CCDC34: variants seen among roughly 807,000 people sequenced by gnomAD.
CCDC34 encodes the protein coiled-coil domain-containing protein 34.
Under a neutral mutation model 44.1 loss-of-function variants are expected in CCDC34, and 40 were observed. That is an observed-to-expected ratio of 0.91 (90% CI 0.70 to 1.18). CCDC34 has a LOEUF of 1.18. CCDC34 is among the 50% of genes most tolerant of loss of function. CCDC34 has a pLI of 0.00. For synonymous variants in CCDC34, 159 were observed against 158.2 expected, an observed-to-expected ratio of 1.01 and a Z score of -0.04; for missense variants, 466 against 452.3, an observed-to-expected ratio of 1.03 and a Z score of -0.28.
At chr11:27,348,935 T>C (rs1862469346) in intron 3 of CCDC34, 1 of 985,014 alleles carries the variant, frequency 1.0e-6, no homozygotes, top group Non-Finnish European at 1.2e-6. Flanking sequence ...CTTCAATAAC[T>C]AGTGATTTAT....
At chr11:27,358,195 C>T (rs1862606736) in intron 1 of CCDC34, among the ~76,000 whole-genome samples, 1 of 152,146 alleles carries the variant, frequency 6.6e-6, no homozygotes, top group Non-Finnish European at 1.5e-5. Flanking sequence ...TCCATCTCCA[C>T]CATGCACCTC....
intron 2 of CCDC34, among the ~76,000 whole-genome samples, chr11:27,354,099 G>A (rs182401115): frequency 4.7e-4 from 71 of 152,312 alleles, no homozygotes; most frequent in African/African-American, 1.7e-3. Context: ...AATACCACAA[G>A]AGCTCAACAT....
chr11:27,344,438 C>T (rs1862405654), intron 3 of CCDC34, among the ~76,000 whole-genome samples: 1 of 151,990 alleles, frequency 6.6e-6, no homozygotes, highest in Non-Finnish European at 1.5e-5. Flanking sequence ...ATGTGTGTTA[C>T]ATATATGCTA....
At chr11:27,348,954 A>G in intron 3 of CCDC34, 6 of 985,166 alleles carry the variant, frequency 6.1e-6, no homozygotes, top group Non-Finnish European at 7.2e-6. Context: ...ATGTCAGGGC[A>G]AGCCACTTCC....
At chr11:27,361,265 A>T (rs560356424) in intron 1 of CCDC34, among the ~76,000 whole-genome samples, 2 of 151,854 alleles carry the variant, frequency 1.3e-5, no homozygotes, top group African/African-American at 4.8e-5. Context: ...ACATACGTTC[A>T]CCTCCTCCCC....
chr11:27,362,804 G>C, intron 1 of CCDC34, 32 bp downstream of exon 1: 2 of 1,601,290 alleles, frequency 1.2e-6, no homozygotes, highest in South Asian at 1.1e-5. Flanking sequence ...ATCTTGAAAA[G>C]GGCTGAATCG....
At chr11:27,353,002 C>T (rs901902639) in intron 2 of CCDC34, among the ~76,000 whole-genome samples, 5 of 152,196 alleles carry the variant, frequency 3.3e-5, no homozygotes, top group African/African-American at 1.2e-4. Flanking sequence ...CAGCTGGAGT[C>T]TTCCTTCGAA....
chr11:27,361,063 C>G (rs1862656722), intron 1 of CCDC34, among the ~76,000 whole-genome samples: 1 of 152,222 alleles, frequency 6.6e-6, no homozygotes, highest in South Asian at 2.1e-4. Flanking sequence ...GACATGCAGT[C>G]AGCAAACGTT....
chr11:27,363,118 G>C lies in CCDC34; in HGVS notation c.77C>G (p.Ser26Cys), dbSNP rs750597370. Residue 26 changes from serine (S) to cysteine (C), a missense_variant, in exon 1 of 6, where the codon TCT becomes TGT. Transcript: ENST00000328697. Reference protein sequence around the residue: ...AGFSADCRPRSRPSSDSCSVP... With the variant: ...AGFSADCRPRCRPSSDSCSVP... ...TGAGCAGGAGTCCGAGGAGGGCCGA[G>C]ACCTGGGTCTGCAGTCAGCAGAGAA... 1 of 1,581,520 alleles carries C rather than the reference G, an allele frequency of 6.3e-7. No homozygotes were observed. The highest frequency in any genetic ancestry group is 2.2e-5 in the East Asian group (1 of 44,456).
intron 2 of CCDC34, among the ~76,000 whole-genome samples, chr11:27,353,006 C>G (rs1862524145): frequency 6.6e-6 from 1 of 152,178 alleles, no homozygotes; most frequent in South Asian, 2.1e-4. Context: ...TGGAGTCTTC[C>G]TTCGAAAGGC....
chr11:27,349,718 C>T (rs1862478849), intron 3 of CCDC34: 1 of 976,500 alleles, frequency 1.0e-6, no homozygotes, highest in Non-Finnish European at 1.2e-6. Flanking sequence ...AACATCTTCA[C>T]TCAATTAAAC....
intron 1 of CCDC34, among the ~76,000 whole-genome samples, chr11:27,358,576 G>C (rs1220720235): frequency 1.3e-5 from 2 of 152,026 alleles, no homozygotes; most frequent in Non-Finnish European, 2.9e-5. Context: ...TTGCATTCTA[G>C]TGGGAAAGAG....
At chr11:27,350,625 A>T (rs1172322474) in intron 2 of CCDC34, among the ~76,000 whole-genome samples, 186 bp from the exon 3 acceptor site, 9 of 152,256 alleles carry the variant, frequency 5.9e-5, no homozygotes, top group African/African-American at 1.9e-4. Flanking sequence ...TGGTAAAAGT[A>T]TAAGTCATTT....
chr11:27,357,237 A>G (rs1565062354), intron 2 of CCDC34, among the ~76,000 whole-genome samples, 166 bp downstream of exon 2: 1 of 152,210 alleles, frequency 6.6e-6, no homozygotes, highest in Non-Finnish European at 1.5e-5. Flanking sequence ...AACAATGAAC[A>G]TATTTCTATT....
At chr11:27,346,642 C>G (rs1481442874) in intron 3 of CCDC34, among the ~76,000 whole-genome samples, 1 of 152,056 alleles carries the variant, frequency 6.6e-6, no homozygotes, top group Non-Finnish European at 1.5e-5. Context: ...GGGCAAATGA[C>G]TTAACACAAC....
At chr11:27,360,457 G>T (rs945359913) in intron 1 of CCDC34, among the ~76,000 whole-genome samples, 36 of 152,196 alleles carry the variant, frequency 2.4e-4, no homozygotes, top group Non-Finnish European at 5.0e-4. Context: ...AGCCTTACCC[G>T]ATTCGTTTTG....
chr11:27,362,173 G>A (rs147960190), intron 1 of CCDC34, among the ~76,000 whole-genome samples: 188 of 152,332 alleles, frequency 1.2e-3, no homozygotes, highest in African/African-American at 4.2e-3. Flanking sequence ...ACGGTCCCCA[G>A]TACGTAGACT....
intron 3 of CCDC34, among the ~76,000 whole-genome samples, chr11:27,342,402 C>T (rs1267667761): frequency 6.7e-6 from 1 of 149,544 alleles, no homozygotes; most frequent in African/African-American, 2.4e-5. Context: ...TATATACACA[C>T]ACACATATTT....
intron 3 of CCDC34, among the ~76,000 whole-genome samples, chr11:27,345,454 G>A (rs545593807): frequency 5.3e-5 from 8 of 152,116 alleles, no homozygotes; most frequent in Non-Finnish European, 1.0e-4. Flanking sequence ...CCCCACAACA[G>A]GCCCCGGTGT....
Sources: allele counts gnomAD v4.1 joint callset (sites outside exome capture counted in the v4.1 genomes callset), GRCh38; gene constraint gnomAD v4.1.1; transcripts MANE v1.5; gene names NCBI Gene and HGNC (gene_info 2026-07-23, HGNC 2026-07-21).